Variants in ZFPM2 observed in about 807,000 individuals in gnomAD.
ZFPM2 encodes the protein zinc finger protein, FOG family member 2.
A neutral mutation model predicts 98.6 loss-of-function variants in ZFPM2; 20 were observed. The observed-to-expected ratio is 0.20, with a 90% confidence interval of 0.14 to 0.29. The LOEUF (loss-of-function observed/expected upper bound fraction) is 0.29. ZFPM2 is among the 10% of genes least tolerant of loss of function. The pLI is 1.00. For synonymous variants in ZFPM2, 518 were observed against 502.7 expected, an observed-to-expected ratio of 1.03 and a Z score of -0.41; for missense variants, 1,310 against 1,388.6, an observed-to-expected ratio of 0.94 and a Z score of 0.90.
chr8:105,763,060 C>T (rs75623146), intron 5 of ZFPM2, among the ~76,000 whole-genome samples: 40,963 of 139,208 alleles, frequency 0.29, 7,338 homozygotes, highest in African/African-American at 0.5. Context: ...TTATTTCTTT[C>T]TTTTTTTTTT....
chr8:105,360,408 T>G (rs909351019), intron 1 of ZFPM2, among the ~76,000 whole-genome samples: 8 of 152,178 alleles, frequency 5.3e-5, no homozygotes, highest in Admixed American at 3.3e-4. Context: ...AATTGCATAC[T>G]TATCACATTT....
intron 4 of ZFPM2, among the ~76,000 whole-genome samples, chr8:105,605,775 T>C (rs971922539): frequency 6.6e-6 from 1 of 152,110 alleles, no homozygotes; most frequent in Non-Finnish European, 1.5e-5. Flanking sequence ...TCTAGCTGTA[T>C]GCAATGCTCT....
At chr8:105,345,463 C>CTA (rs1295796605) in intron 1 of ZFPM2, among the ~76,000 whole-genome samples, 4 of 96,614 alleles carry the variant, frequency 4.1e-5, no homozygotes, top group African/African-American at 1.4e-4. Context: ...TCCTGTGTTT[C>CTA]TAAGCTAACA....
chr8:105,479,464 G>A (rs2130379146), intron 3 of ZFPM2, among the ~76,000 whole-genome samples: 1 of 152,298 alleles, frequency 6.6e-6, no homozygotes, highest in Middle Eastern at 3.4e-3. Context: ...ACAGAAGGTA[G>A]TGGCTCAAAA....
intron 5 of ZFPM2, chr8:105,785,190 T>G (rs1813376775): frequency 6.6e-6 from 1 of 152,156 alleles, no homozygotes; most frequent in South Asian, 2.1e-4. Flanking sequence ...CTTCAGCCTG[T>G]ATGTCTTCTC....
chr8:105,494,508 C>T (rs191133153), intron 3 of ZFPM2, among the ~76,000 whole-genome samples: 1 of 152,036 alleles, frequency 6.6e-6, no homozygotes, highest in African/African-American at 2.4e-5. Flanking sequence ...TATGCCATGT[C>T]CATGACTTCC....
chr8:105,507,259 C>T (rs1813723212), intron 3 of ZFPM2, among the ~76,000 whole-genome samples: 1 of 152,164 alleles, frequency 6.6e-6, no homozygotes, highest in African/African-American at 2.4e-5. Flanking sequence ...CTGCAGACCA[C>T]ACAAATCAGA....
chr8:105,450,041 A>C (rs1186093819), intron 3 of ZFPM2, among the ~76,000 whole-genome samples: 2 of 152,152 alleles, frequency 1.3e-5, no homozygotes, highest in Non-Finnish European at 2.9e-5. Context: ...TTTTAATGTA[A>C]ATAAATTTTC....
intron 3 of ZFPM2, among the ~76,000 whole-genome samples, chr8:105,499,190 C>CT (rs955537734): frequency 3.3e-5 from 5 of 151,154 alleles, no homozygotes; most frequent in Non-Finnish European, 5.9e-5. Context: ...CCACCTTACT[C>CT]TTTTTTCTGC....
intron 5 of ZFPM2, among the ~76,000 whole-genome samples, chr8:105,749,323 A>T (rs1490645007): frequency 1.3e-5 from 2 of 152,044 alleles, no homozygotes; most frequent in Non-Finnish European, 2.9e-5. Flanking sequence ...TGATAGATTT[A>T]AAAAAAGACT....
chr8:105,423,485 A>C (rs1334670661), intron 2 of ZFPM2, among the ~76,000 whole-genome samples: 1 of 152,190 alleles, frequency 6.6e-6, no homozygotes, highest in African/African-American at 2.4e-5. Context: ...TCTTTTGTTT[A>C]TGAGTTTAGA....
At chr8:105,744,211 A>C (rs1411802479) in intron 5 of ZFPM2, among the ~76,000 whole-genome samples, 1 of 152,028 alleles carries the variant, frequency 6.6e-6, no homozygotes, top group Non-Finnish European at 1.5e-5. Flanking sequence ...ACTCTTTATC[A>C]TTCTTTTTAT....
chr8:105,739,924 C>T (rs1173376432), intron 5 of ZFPM2, among the ~76,000 whole-genome samples: 1 of 151,918 alleles, frequency 6.6e-6, no homozygotes, highest in Non-Finnish European at 1.5e-5. Context: ...GTGTTTCTCT[C>T]CACAATTTTA....
At chr8:105,628,102 T>C (rs1816692180) in intron 4 of ZFPM2, among the ~76,000 whole-genome samples, 1 of 152,200 alleles carries the variant, frequency 6.6e-6, no homozygotes, top group Admixed American at 6.5e-5. Context: ...TGCTAGTTAC[T>C]TCATTCAAAA....
chr8:105,602,064 A>G (rs1816104363), intron 4 of ZFPM2, among the ~76,000 whole-genome samples: 1 of 152,020 alleles, frequency 6.6e-6, no homozygotes, highest in African/African-American at 2.4e-5. Flanking sequence ...GAAGCTTTGA[A>G]CTTGATAGCT....
chr8:105,431,435 A>T (rs1454513429), intron 2 of ZFPM2, among the ~76,000 whole-genome samples: 1 of 152,252 alleles, frequency 6.6e-6, no homozygotes, highest in African/African-American at 2.4e-5. Context: ...GTAAATATTT[A>T]TTGAACACCT....
At chr8:105,752,542 C>T (rs901802543) in intron 5 of ZFPM2, among the ~76,000 whole-genome samples, 5 of 152,122 alleles carry the variant, frequency 3.3e-5, no homozygotes, top group Non-Finnish European at 5.9e-5. Context: ...AGCCCGTGGA[C>T]GTTCTCTCCT....
intron 5 of ZFPM2, among the ~76,000 whole-genome samples, chr8:105,748,741 A>G (rs533185267): frequency 1.1e-4 from 16 of 152,192 alleles, no homozygotes; most frequent in African/African-American, 3.9e-4. Context: ...CTAAACTGAT[A>G]GCACCACTTT....
At chr8:105,539,751 C>G (rs758801362) in intron 3 of ZFPM2, among the ~76,000 whole-genome samples, 28 of 152,120 alleles carry the variant, frequency 1.8e-4, no homozygotes, top group Non-Finnish European at 3.8e-4. Flanking sequence ...GAAAGTTGTT[C>G]AATATCAGTA....
Sources: gnomAD v4.1 joint callset for allele counts (sites outside exome capture counted in the v4.1 genomes callset) on GRCh38, gnomAD v4.1.1 for gene constraint, MANE v1.5 for transcripts, NCBI Gene and HGNC (gene_info 2026-07-23, HGNC 2026-07-21) for gene names.